CCDC169: variants seen among roughly 807,000 people sequenced by gnomAD.
CCDC169 encodes the protein coiled-coil domain-containing protein 169.
Under a neutral mutation model 36.0 loss-of-function variants are expected in CCDC169, and 30 were observed. The observed-to-expected ratio is 0.83, with a 90% CI of 0.62 to 1.13. The LOEUF (loss-of-function observed/expected upper bound fraction) is 1.13, where lower values mean the gene tolerates loss of function less well. Among genes scored for constraint, CCDC169 ranks in the 50% most tolerant of loss-of-function variants. The pLI is 0.00. For missense variants in CCDC169, 245 were observed against 245.9 expected (o/e 1.00, Z 0.03); for synonymous variants, 85 against 81.5 (o/e 1.04, Z -0.23).
At chr13:36,252,585 C>T (rs974648809) in intron 6 of CCDC169, among the ~76,000 whole-genome samples, 2 of 152,264 alleles carry the variant, frequency 1.3e-5, no homozygotes, top group East Asian at 3.9e-4. Context: ...CTCTTTTCGG[C>T]TCTTCCTCCC....
intron 4 of CCDC169, among the ~76,000 whole-genome samples, chr13:36,254,447 T>G (rs937943722): frequency 2.6e-5 from 4 of 151,930 alleles, no homozygotes; most frequent in African/African-American, 9.7e-5. Context: ...GGCTAATTTT[T>G]TGTGTTTTTA....
At chr13:36,285,661 C>A (rs1056899179) in intron 2 of CCDC169, among the ~76,000 whole-genome samples, 43 of 120,002 alleles carry the variant, frequency 3.6e-4, no homozygotes, top group African/African-American at 1.2e-3. Flanking sequence ...ATAGATAGAC[C>A]GACCTATTAG....
chr13:36,274,386 T>G (rs1348720753), intron 4 of CCDC169: 1 of 152,150 alleles, frequency 6.6e-6, no homozygotes, highest in East Asian at 1.9e-4. Context: ...GAACTAGATA[T>G]CTTTAAAACA....
Position 36,295,875 on chromosome 13 carries a change from TTTG to T in CCDC169, c.84-21_84-19del. 1 of 1,417,786 alleles carries T rather than the reference TTTG, an allele frequency of 7.1e-7. No individual in the cohort carries two copies. 87.8% of individuals were successfully genotyped at this position (1,417,786 alleles called of 1,614,324 possible). ...CTGCATCCCTGTTATTTAAAATATT[TTTG>T]TTGATTATAATTCAATTAAAAATAA... On this transcript the variant is annotated intron_variant, in intron 1 of 7. Transcript: ENST00000239859.
chr13:36,279,087 T>A (rs1326966317), intron 4 of CCDC169, among the ~76,000 whole-genome samples: 1 of 148,124 alleles, frequency 6.8e-6, no homozygotes, highest in Non-Finnish European at 1.5e-5. Flanking sequence ...CATCCCCATA[T>A]AATACTGCCC....
chr13:36,266,512 C>G (rs1183147178), intron 4 of CCDC169, among the ~76,000 whole-genome samples: 4 of 152,124 alleles, frequency 2.6e-5, no homozygotes, highest in Non-Finnish European at 5.9e-5. Context: ...ACAGACCTAC[C>G]TGGGCTGAGC....
At chr13:36,288,428 T>G (rs1357870563) in intron 2 of CCDC169, among the ~76,000 whole-genome samples, 1 of 152,212 alleles carries the variant, frequency 6.6e-6, no homozygotes, top group Non-Finnish European at 1.5e-5. Flanking sequence ...GATAAATGCT[T>G]GTAAGTGGAC....
downstream of CCDC169, chr13:36,227,243 C>T (rs763019865): frequency 5.8e-6 from 9 of 1,550,640 alleles, no homozygotes; most frequent in African/African-American, 1.4e-5. Context: ...AGGTTGAGGA[C>T]CCATGTAAGC....
chr13:36,278,759 T>TC (rs1877150223), intron 4 of CCDC169, among the ~76,000 whole-genome samples: 1 of 152,108 alleles, frequency 6.6e-6, no homozygotes, highest in African/African-American at 2.4e-5. Context: ...TCCTGAGCAA[T>TC]CCCTTGTAGT....
At chr13:36,286,751 G>C (rs1878304212) in intron 2 of CCDC169, among the ~76,000 whole-genome samples, 1 of 152,134 alleles carries the variant, frequency 6.6e-6, no homozygotes, top group Non-Finnish European at 1.5e-5. Flanking sequence ...CTGGTGACTT[G>C]AGGAAATGGG....
chr13:36,264,406 A>C (rs1352887700), intron 4 of CCDC169, among the ~76,000 whole-genome samples: 2 of 152,108 alleles, frequency 1.3e-5, no homozygotes, highest in African/African-American at 2.4e-5. Flanking sequence ...GATACAGCTG[A>C]AGCAAAATAT....
At chr13:36,257,242 A>G (rs149676793) in intron 4 of CCDC169, among the ~76,000 whole-genome samples, 1 of 152,294 alleles carries the variant, frequency 6.6e-6, no homozygotes, top group Non-Finnish European at 1.5e-5. Flanking sequence ...AGGCCATTTC[A>G]GGCCCCATCT....
chr13:36,258,775 C>T (rs1022521875), intron 4 of CCDC169, among the ~76,000 whole-genome samples: 16 of 152,266 alleles, frequency 1.1e-4, no homozygotes, highest in African/African-American at 3.9e-4. Context: ...GATGGAGTGG[C>T]CATTCTTTTA....
chr13:36,281,587 G>A (rs547462095), intron 4 of CCDC169, among the ~76,000 whole-genome samples: 1 of 152,304 alleles, frequency 6.6e-6, no homozygotes, highest in Admixed American at 6.5e-5. Flanking sequence ...AACAGGCGGG[G>A]TGTGGTGACT....
chr13:36,289,232 T>A (rs1421371824), intron 2 of CCDC169, among the ~76,000 whole-genome samples: 1 of 152,186 alleles, frequency 6.6e-6, no homozygotes, highest in African/African-American at 2.4e-5. Context: ...TCTCACTGCT[T>A]TCAGCTTTTT....
chr13:36,283,481 T>C lies in CCDC169; in HGVS notation c.303A>G (p.Glu101=), dbSNP rs1011863216. 1.1e-5 allele frequency: 17 copies of C among 1,550,238 alleles called. No homozygotes were observed. The Admixed American group carries it at 1.6e-4, about 14-fold the overall frequency. The part of the protein sequence containing the change: ...SDRLSSIRVY[E]RMPVESLNTL... ...CATTTCTACTCACCACTGGCATTCGTTCATAGACACGAATAGAAGATAGTC... is the reference window on the plus strand; with the variant it reads ...CATTTCTACTCACCACTGGCATTCGCTCATAGACACGAATAGAAGATAGTC... The change falls in exon 4 of 8, where the codon GAA becomes GAG. Residue 101 remains glutamate (E), a synonymous_variant. Coordinates refer to ENST00000239859, the MANE Select transcript of CCDC169 (RefSeq NM_001144981.3).
chr13:36,241,383 T>C (rs1328755863), intron 7 of CCDC169, among the ~76,000 whole-genome samples: 1 of 55,286 alleles, frequency 1.8e-5, no homozygotes, highest in Non-Finnish European at 5.4e-5. Context: ...TGCCATCATG[T>C]CACAATTATT....
chr13:36,261,448 TC>T (rs1251625301), intron 4 of CCDC169, among the ~76,000 whole-genome samples: 4 of 152,204 alleles, frequency 2.6e-5, no homozygotes, highest in Non-Finnish European at 4.4e-5. Flanking sequence ...TGACAAGTGT[TC>T]CTGATAGTTT....
intron 7 of CCDC169, among the ~76,000 whole-genome samples, chr13:36,233,250 G>T (rs866343270): frequency 5.9e-5 from 9 of 152,062 alleles, no homozygotes; most frequent in Non-Finnish European, 1.0e-4. Context: ...CCCCAACAAA[G>T]AATACAGATT....
Sources: allele counts gnomAD v4.1 joint callset (sites outside exome capture counted in the v4.1 genomes callset), GRCh38; gene constraint gnomAD v4.1.1; transcripts MANE v1.5; gene names NCBI Gene and HGNC (gene_info 2026-07-23, HGNC 2026-07-21).